The following IRAG2 variants were observed in gnomAD, a reference collection of about 807,000 sequenced individuals.
The protein encoded by IRAG2 is inositol 1,4,5-triphosphate receptor associated 2, also known as lymphoid restricted membrane protein.
A neutral mutation model predicts 69.9 loss-of-function variants in IRAG2; 45 were observed. That is an observed-to-expected ratio of 0.64 (90% CI 0.51 to 0.83). IRAG2 has a LOEUF of 0.83. Among genes scored for constraint, IRAG2 ranks in the 40% least tolerant of loss-of-function variants. The pLI is 0.00. For missense variants in IRAG2, 520 were observed against 587.0 expected, an observed-to-expected ratio of 0.89 and a Z score of 1.18; for synonymous variants, 193 against 202.4, an observed-to-expected ratio of 0.95 and a Z score of 0.40.
At chr12:25,073,466 G>A (rs536264883) in intron 6 of IRAG2, among the ~76,000 whole-genome samples, 2 of 152,290 alleles carry the variant, frequency 1.3e-5, no homozygotes, top group South Asian at 4.1e-4. Flanking sequence ...TCTTGGGCTG[G>A]TGCTCCTAAG....
chr12:25,088,328 A>T (rs1042985322), intron 11 of IRAG2, among the ~76,000 whole-genome samples, 171 bp downstream of exon 11: 2 of 152,214 alleles, frequency 1.3e-5, no homozygotes, highest in African/African-American at 4.8e-5. Context: ...AAAAAGCCAC[A>T]TTTGCATTGT....
At chr12:25,091,957 A>G (rs1565580057) in intron 14 of IRAG2, among the ~76,000 whole-genome samples, 2 of 152,188 alleles carry the variant, frequency 1.3e-5, no homozygotes, top group Admixed American at 1.3e-4. Flanking sequence ...TGCAGAAAAA[A>G]ATTTTATTTA....
intron 5 of IRAG2, among the ~76,000 whole-genome samples, chr12:25,067,577 T>C (rs1168047643): frequency 6.6e-6 from 1 of 152,196 alleles, no homozygotes; most frequent in African/African-American, 2.4e-5. Context: ...TGGGTTCAAA[T>C]AATTTGCTAG....
rs1949306056 is a variant in IRAG2 at position 25,107,797 on chromosome 12, T to C, written c.1257-20T>C. 6.3e-7 allele frequency: 1 copy of C among 1,599,856 alleles called. No individual in the cohort carries two copies. The highest frequency in any genetic ancestry group is 8.6e-7 in the Non-Finnish European group (1 of 1,168,406). On this transcript the variant is annotated intron_variant, in intron 21 of 21. Transcript: ENST00000556887. The stretch of plus-strand genomic sequence containing the variant: ...TGACAAATTACCGATTACCAAATTC[T>C]ATTTGTGTTTTCCTTATAGTTATGA...
chr12:25,069,757 T>C (rs1946209251), intron 6 of IRAG2, among the ~76,000 whole-genome samples: 1 of 152,176 alleles, frequency 6.6e-6, no homozygotes, highest in Non-Finnish European at 1.5e-5. Flanking sequence ...CACGAATGAC[T>C]GTAAGAAGCC....
At chr12:25,040,639 T>C (rs1212925593) in intron 16 of IRAG2, among the ~76,000 whole-genome samples, 2 of 152,222 alleles carry the variant, frequency 1.3e-5, no homozygotes, top group East Asian at 3.8e-4. Flanking sequence ...AGGGGCTATT[T>C]ACTGAGGAAG....
chr12:25,071,251 C>T (rs898984789), intron 6 of IRAG2, among the ~76,000 whole-genome samples: 1 of 152,092 alleles, frequency 6.6e-6, no homozygotes, highest in Non-Finnish European at 1.5e-5. Context: ...AAGGCTGAGG[C>T]AGGAGAATTG....
In IRAG2 at chr12:25,100,878, A is replaced by G. The variant is rs534966454; in HGVS notation, c.742-300A>G. 35 of 204,394 alleles carry G rather than the reference A, an allele frequency of 1.7e-4. No homozygotes were observed. In the South Asian group the frequency reaches 5.9e-3, roughly 34 times the overall value. The allele number at this position is 204,394 out of a possible 1,614,324, so 12.7% of individuals were successfully genotyped here. Reference sequence around the variant, plus strand: ...AACCATTTCTTCTGTTCACATACCCACCATCAACCTTACTGAGGTGCAGTG... The same window carrying G: ...AACCATTTCTTCTGTTCACATACCCGCCATCAACCTTACTGAGGTGCAGTG... On this transcript the variant is annotated intron_variant, in intron 15 of 21. Transcript: ENST00000556887.
intron 1 of IRAG2, among the ~76,000 whole-genome samples, chr12:25,056,723 ATGT>A (rs1945279113): frequency 6.6e-6 from 1 of 152,184 alleles, no homozygotes; most frequent in African/African-American, 2.4e-5. Flanking sequence ...TATAGAAATT[ATGT>A]TGTTTCATTC....
intron 16 of IRAG2, among the ~76,000 whole-genome samples, chr12:25,046,569 A>G (rs1158425220): frequency 6.6e-6 from 1 of 152,170 alleles, no homozygotes; most frequent in Non-Finnish European, 1.5e-5. Flanking sequence ...TGAAAAAGAA[A>G]TTAACAATCT....
intron 14 of IRAG2, chr12:25,090,735 T>C (rs1947985939): frequency 2.5e-6 from 1 of 400,282 alleles, no homozygotes; most frequent in Admixed American, 2.9e-5. Context: ...AATAGGAGAG[T>C]ATCAGCTATA....
intron 6 of IRAG2, among the ~76,000 whole-genome samples, chr12:25,073,410 A>G (rs1419884468): frequency 1.3e-5 from 2 of 152,212 alleles, no homozygotes; most frequent in Non-Finnish European, 2.9e-5. Context: ...TCTGTTTAAA[A>G]CACTGAGAGT....
In IRAG2 at chr12:25,034,904, C is replaced by T. The variant is rs191639448; in HGVS notation, c.1744-749C>T. On this transcript the variant is annotated intron_variant, in intron 13 of 38. Coordinates refer to the IRAG2 transcript ENST00000636465. The stretch of plus-strand genomic sequence containing the variant: ...TTCCTGACATTCTGTTTCAAATACT[C>T]ATCATTTCACTGTGTTTTTGAAACC... Among the ~76,000 whole-genome samples the T allele has an allele frequency of 2.3e-3, 349 of 152,324 alleles. 8 individuals are homozygous for T. The highest frequency in any genetic ancestry group is 1.2e-3 in the Non-Finnish European group (82 of 68,036).
intron 6 of IRAG2, among the ~76,000 whole-genome samples, chr12:25,019,539 C>G (rs1014100448): frequency 3.9e-5 from 6 of 152,194 alleles, no homozygotes; most frequent in African/African-American, 1.4e-4. Flanking sequence ...GTCCAGCTGC[C>G]TCTTCTCCTC....
chr12:25,101,900 T>C (rs942971466), intron 16 of IRAG2: 1 of 595,204 alleles, frequency 1.7e-6, no homozygotes, highest in Non-Finnish European at 3.1e-6. Flanking sequence ...CCATATTTGA[T>C]ACTCTTCTGA....
Position 25,080,645 on chromosome 12 carries a change from C to A in IRAG2, c.244+882C>A, listed in dbSNP as rs1018240017. 3.5e-4 allele frequency among the ~76,000 whole-genome samples: 54 copies of A among 152,130 alleles called. 1 individual carries two copies. The highest frequency in any genetic ancestry group is 1.9e-4 in the Non-Finnish European group (13 of 68,026). On this transcript the variant is annotated intron_variant, in intron 9 of 21. Coordinates refer to ENST00000556887, the MANE Select transcript of IRAG2 (RefSeq NM_001366544.2). Reference sequence around the variant, plus strand: ...GGGATTACAGGTGTGAGCCACCGCGCCTGGCCAAGGAAAATACATTCTATC... The same window carrying A: ...GGGATTACAGGTGTGAGCCACCGCGACTGGCCAAGGAAAATACATTCTATC...
intron 9 of IRAG2, among the ~76,000 whole-genome samples, chr12:25,081,823 G>C (rs975573316): frequency 1.4e-4 from 22 of 152,080 alleles, no homozygotes; most frequent in Non-Finnish European, 2.6e-4. Context: ...AAGGACTACT[G>C]TTTCTTGGGG....
At chr12:25,039,582 C>G (rs936564169) in intron 16 of IRAG2, among the ~76,000 whole-genome samples, 4 of 152,166 alleles carry the variant, frequency 2.6e-5, no homozygotes, top group Non-Finnish European at 1.5e-5. Context: ...AGGCGCCCGC[C>G]ACCACGCCCA....
At chr12:25,087,880 C>G (rs1795025311) in intron 10 of IRAG2, among the ~76,000 whole-genome samples, 1 of 152,188 alleles carries the variant, frequency 6.6e-6, no homozygotes, top group Admixed American at 6.5e-5. Flanking sequence ...GCCTGATGAT[C>G]TGAGGTGGAA....
Sources: gnomAD v4.1 joint callset for allele counts (sites outside exome capture counted in the v4.1 genomes callset) on GRCh38, gnomAD v4.1.1 for gene constraint, MANE v1.5 for transcripts, NCBI Gene and HGNC (gene_info 2026-07-23, HGNC 2026-07-21) for gene names.